GRM8: variants seen among roughly 807,000 people sequenced by gnomAD.
GRM8 encodes the protein glutamate metabotropic receptor 8.
A neutral mutation model predicts 87.2 loss-of-function variants in GRM8; 47 were observed. That is an observed-to-expected ratio of 0.54 (90% CI 0.43 to 0.69). The LOEUF is 0.69. GRM8 is among the 30% of genes least tolerant of loss of function. GRM8 has a pLI of 0.00. For missense variants in GRM8, 1,019 were observed against 1,139.2 expected, an observed-to-expected ratio of 0.89 and a Z score of 1.52; for synonymous variants, 396 against 404.5, an observed-to-expected ratio of 0.98 and a Z score of 0.25.
chr7:127,145,397 T>A (rs1283153346), intron 2 of GRM8, among the ~76,000 whole-genome samples: 7 of 152,154 alleles, frequency 4.6e-5, no homozygotes, highest in Non-Finnish European at 1.0e-4. Flanking sequence ...AAGGAACTTC[T>A]ATATGTCTTG....
chr7:126,875,152 ATAAT>A (rs1195739072), intron 6 of GRM8, among the ~76,000 whole-genome samples: 5 of 152,134 alleles, frequency 3.3e-5, no homozygotes, highest in Non-Finnish European at 7.4e-5. Flanking sequence ...TAATTCAAAA[ATAAT>A]TCATTTAGTT....
At chr7:126,895,140 A>G (rs116194489) in intron 6 of GRM8, among the ~76,000 whole-genome samples, 3 of 152,044 alleles carry the variant, frequency 2.0e-5, no homozygotes, top group African/African-American at 4.8e-5. Flanking sequence ...ACATATATAC[A>G]TATTACTCTG....
intron 9 of GRM8, among the ~76,000 whole-genome samples, chr7:126,493,914 G>A (rs1808364224): frequency 6.6e-6 from 1 of 151,902 alleles, no homozygotes; most frequent in Non-Finnish European, 1.5e-5. Flanking sequence ...TATGTTTTTG[G>A]GATCAGCTGG....
intron 2 of GRM8, among the ~76,000 whole-genome samples, chr7:127,162,638 AT>A (rs1793188133): frequency 6.6e-6 from 1 of 152,124 alleles, no homozygotes; most frequent in South Asian, 2.1e-4. Flanking sequence ...TAGGCTCTGG[AT>A]TTTATAACCC....
chr7:127,184,435 T>C (rs1794636107), intron 2 of GRM8, among the ~76,000 whole-genome samples: 1 of 151,906 alleles, frequency 6.6e-6, no homozygotes, highest in South Asian at 2.1e-4. Flanking sequence ...AAAAGGCATT[T>C]GACAAAATCC....
intron 2 of GRM8, among the ~76,000 whole-genome samples, chr7:127,154,233 T>C (rs932469010): frequency 1.3e-5 from 2 of 152,072 alleles, no homozygotes; most frequent in Non-Finnish European, 2.9e-5. Flanking sequence ...AAATAATAAA[T>C]CACGCCTAGC....
At chr7:126,573,619 C>G (rs12334270) in intron 8 of GRM8, among the ~76,000 whole-genome samples, 1 of 151,492 alleles carries the variant, frequency 6.6e-6, no homozygotes, top group East Asian at 1.9e-4. Flanking sequence ...GAGTCTCACT[C>G]TATCACTGAG....
intron 3 of GRM8, among the ~76,000 whole-genome samples, chr7:126,967,756 A>G (rs558650072): frequency 6.6e-6 from 1 of 152,320 alleles, no homozygotes; most frequent in Admixed American, 6.5e-5. Flanking sequence ...CTTTAATCCA[A>G]TTCATCAAAT....
chr7:126,531,902 T>A (rs1247881324), intron 9 of GRM8, among the ~76,000 whole-genome samples: 1 of 152,218 alleles, frequency 6.6e-6, no homozygotes, highest in Non-Finnish European at 1.5e-5. Flanking sequence ...AATTACCCCA[T>A]GACGTTTCAT....
intron 2 of GRM8, among the ~76,000 whole-genome samples, chr7:127,138,290 C>A (rs1251667481): frequency 1.3e-5 from 2 of 152,030 alleles, no homozygotes; most frequent in Non-Finnish European, 2.9e-5. Flanking sequence ...ATAATTGGGC[C>A]AGTATACCCA....
At chr7:126,461,870 T>A (rs929722705) in intron 9 of GRM8, among the ~76,000 whole-genome samples, 1 of 151,722 alleles carries the variant, frequency 6.6e-6, no homozygotes, top group African/African-American at 2.4e-5. Flanking sequence ...TACATTGCAT[T>A]GCATTTTCCT....
chr7:126,628,835 A>G (rs1800953200), intron 7 of GRM8, among the ~76,000 whole-genome samples: 1 of 152,130 alleles, frequency 6.6e-6, no homozygotes, highest in East Asian at 1.9e-4. Context: ...AATAAATGAA[A>G]GTCACTTTGC....
intron 7 of GRM8, among the ~76,000 whole-genome samples, chr7:126,723,833 T>C (rs1317181060): frequency 6.6e-6 from 1 of 152,088 alleles, no homozygotes; most frequent in Non-Finnish European, 1.5e-5. Context: ...GGGTGAAAAG[T>C]AAGAATGTTG....
chr7:126,908,087 G>C (rs1223251869), intron 3 of GRM8, among the ~76,000 whole-genome samples: 3 of 152,204 alleles, frequency 2.0e-5, no homozygotes. Context: ...TGTCTTCAAA[G>C]TATGCATGGA....
intron 2 of GRM8, among the ~76,000 whole-genome samples, chr7:127,231,334 G>C (rs1474546888): frequency 1.3e-5 from 2 of 152,284 alleles, no homozygotes; most frequent in East Asian, 1.9e-4. Context: ...GATAGGACTA[G>C]ACCACATTAA....
At chr7:126,784,632 C>T (rs1407584534) in intron 6 of GRM8, among the ~76,000 whole-genome samples, 1 of 152,112 alleles carries the variant, frequency 6.6e-6, no homozygotes, top group Non-Finnish European at 1.5e-5. Context: ...AAGGGGAAGA[C>T]CTAACCATTT....
chr7:127,100,768 T>C (rs1049104382), intron 3 of GRM8, among the ~76,000 whole-genome samples: 1 of 152,180 alleles, frequency 6.6e-6, no homozygotes, highest in Non-Finnish European at 1.5e-5. Context: ...CACCTTGCCC[T>C]ACACTTGACA....
chr7:127,247,484 A>G (rs898539196), intron 1 of GRM8, among the ~76,000 whole-genome samples: 8 of 152,222 alleles, frequency 5.3e-5, no homozygotes, highest in African/African-American at 1.7e-4. Flanking sequence ...TCATCAATTC[A>G]TATGACTGCT....
At chr7:126,879,744 C>T (rs1799860718) in intron 6 of GRM8, among the ~76,000 whole-genome samples, 1 of 152,102 alleles carries the variant, frequency 6.6e-6, no homozygotes, top group Non-Finnish European at 1.5e-5. Context: ...TTTTCACATC[C>T]TTAAATGGTT....
Sources: allele counts gnomAD v4.1 joint callset (sites outside exome capture counted in the v4.1 genomes callset), GRCh38; gene constraint gnomAD v4.1.1; transcripts MANE v1.5; gene names NCBI Gene and HGNC (gene_info 2026-07-23, HGNC 2026-07-21).